The following ABHD12 variants were observed in gnomAD, a reference collection of about 807,000 sequenced individuals.
The protein encoded by ABHD12 is lysophosphatidylserine lipase ABHD12.
A neutral mutation model predicts 58.3 loss-of-function variants in ABHD12; 43 were observed. That is an observed-to-expected ratio of 0.74 (90% CI 0.58 to 0.95). The LOEUF (loss-of-function observed/expected upper bound fraction) is 0.95. ABHD12 is among the 40% of genes least tolerant of loss of function. The pLI is 0.00. For missense variants in ABHD12, 539 were observed against 537.2 expected, an observed-to-expected ratio of 1.00 and a Z score of -0.03; for synonymous variants, 219 against 211.2, an observed-to-expected ratio of 1.04 and a Z score of -0.32.
intron 4 of ABHD12, among the ~76,000 whole-genome samples, chr20:25,317,951 G>A (rs760535865): frequency 3.9e-5 from 6 of 152,214 alleles, no homozygotes; most frequent in Non-Finnish European, 5.9e-5. Flanking sequence ...AACATTTCAG[G>A]TATGGGGGCG....
At chr20:25,371,220 T>C (rs941553430) in intron 1 of ABHD12, among the ~76,000 whole-genome samples, 1 of 152,156 alleles carries the variant, frequency 6.6e-6, no homozygotes, top group Non-Finnish European at 1.5e-5. Flanking sequence ...GGAGTGTCTA[T>C]GTCCCCTCTC....
At chr20:25,364,736 T>C (rs1028484088) in intron 1 of ABHD12, among the ~76,000 whole-genome samples, 1 of 152,204 alleles carries the variant, frequency 6.6e-6, no homozygotes, top group East Asian at 1.9e-4. Context: ...AATTAAACCA[T>C]GAGGTTCCAT....
At chr20:25,347,251 T>C (rs1003446399) in intron 1 of ABHD12, among the ~76,000 whole-genome samples, 3 of 152,184 alleles carry the variant, frequency 2.0e-5, no homozygotes. Context: ...AAGAGTCTCA[T>C]AAGGGACAGG....
chr20:25,390,668 A>T lies in ABHD12; in HGVS notation c.36T>A (p.His12Gln), dbSNP rs915266210. ...RKRTEPVALE[H>Q]ERCAAAGSSS... The stretch of plus-strand genomic sequence containing the variant: ...ACGAGCCCGCGGCGGCGCAGCGCTC[A>T]TGCTCCAAGGCGACGGGCTCGGTCC... The change falls in exon 1 of 13, where the codon CAT becomes CAA. Residue 12 changes from histidine (H) to glutamine (Q), a missense_variant. His to Gln is a conservative substitution (Grantham distance 24). Transcript: ENST00000339157. 7 of 1,435,372 alleles carry T rather than the reference A, an allele frequency of 4.9e-6. No homozygotes were observed. Among genetic ancestry groups the T allele is most frequent in the Non-Finnish European group, 5.5e-6 (6 of 1,097,462 alleles). 88.9% of individuals were successfully genotyped at this position (1,435,372 alleles called of 1,614,324 possible).
At chr20:25,349,041 G>T (rs539518067) in intron 1 of ABHD12, among the ~76,000 whole-genome samples, 11 of 147,336 alleles carry the variant, frequency 7.5e-5, no homozygotes, top group Non-Finnish European at 1.6e-4. Context: ...CCGAGATCGC[G>T]CCACTGCACT....
chr20:25,340,425 C>T (rs1286851971), intron 1 of ABHD12, among the ~76,000 whole-genome samples: 3 of 152,186 alleles, frequency 2.0e-5, no homozygotes, highest in African/African-American at 7.2e-5. Context: ...TGCTGTGAAT[C>T]CACATATCAT....
Position 25,300,911 on chromosome 20 carries a change from A to G in ABHD12, c.1158-27T>C, listed in dbSNP as rs753443850. ...TAGACCACAGGACAATCAGGAGCCA[A>G]TCATTTGAGCTCAGACCAAAGATCC... On this transcript the variant is annotated intron_variant, in intron 12 of 12. Transcript: ENST00000339157. 2.5e-6 allele frequency: 4 copies of G among 1,610,336 alleles called. No homozygotes were observed. The South Asian group carries it at 3.3e-5, about 13-fold the overall frequency.
intron 10 of ABHD12, among the ~76,000 whole-genome samples, chr20:25,306,392 T>C (rs2088742326): frequency 6.6e-6 from 1 of 152,210 alleles, no homozygotes; most frequent in East Asian, 1.9e-4. Context: ...TTTTGTTTTG[T>C]TTTGAGACAA....
intron 1 of ABHD12, among the ~76,000 whole-genome samples, chr20:25,346,548 G>A (rs1239392407): frequency 1.3e-5 from 2 of 152,158 alleles, no homozygotes; most frequent in Non-Finnish European, 2.9e-5. Flanking sequence ...GGATAGTGTG[G>A]CATACCATGT....
At chr20:25,332,671 T>C (rs2146012879) in intron 2 of ABHD12, among the ~76,000 whole-genome samples, 1 of 150,044 alleles carries the variant, frequency 6.7e-6, no homozygotes, top group Non-Finnish European at 1.5e-5. Context: ...ACAGCTCAAC[T>C]ACATGGAAAC....
chr20:25,318,694 C>T (rs1320310904), intron 4 of ABHD12, among the ~76,000 whole-genome samples: 1 of 150,354 alleles, frequency 6.7e-6, no homozygotes, highest in East Asian at 1.9e-4. Context: ...ATGTGATGGG[C>T]ACTGCAGAAC....
downstream of ABHD12, among the ~76,000 whole-genome samples, chr20:25,299,506 A>AAT (rs2088600341): frequency 6.6e-6 from 1 of 152,100 alleles, no homozygotes. Context: ...AAAAAAAAAA[A>AAT]ATGAGGAAAA....
At chr20:25,303,079 C>A (rs2088667091) in intron 11 of ABHD12, among the ~76,000 whole-genome samples, 1 of 152,228 alleles carries the variant, frequency 6.6e-6, no homozygotes, top group Admixed American at 6.5e-5. Flanking sequence ...GGTATCAGCG[C>A]AATTCCAAAG....
intron 2 of ABHD12, among the ~76,000 whole-genome samples, chr20:25,336,890 C>T (rs963480497): frequency 2.0e-5 from 3 of 152,026 alleles, no homozygotes; most frequent in African/African-American, 7.2e-5. Flanking sequence ...GGGGGTGAGG[C>T]GAAAGGAATG....
chr20:25,344,233 G>C (rs1330494843), intron 1 of ABHD12, among the ~76,000 whole-genome samples: 1 of 152,188 alleles, frequency 6.6e-6, no homozygotes, highest in African/African-American at 2.4e-5. Context: ...ATAAGAAAAG[G>C]AGATAACAGG....
intron 1 of ABHD12, chr20:25,368,161 T>C (rs1037905659): frequency 3.4e-6 from 3 of 893,846 alleles, no homozygotes; most frequent in Non-Finnish European, 5.2e-6. Flanking sequence ...CAAAGGGAAC[T>C]GCAGCAAGAG....
intron 11 of ABHD12, 136 bp from the exon 12 acceptor site, chr20:25,302,482 G>T: frequency 8.3e-7 from 1 of 1,210,192 alleles, no homozygotes; most frequent in Non-Finnish European, 1.2e-6. Flanking sequence ...GCCACAGCCG[G>T]TCACGACCAG....
At chr20:25,304,772 T>C (rs2088704010) in intron 10 of ABHD12, among the ~76,000 whole-genome samples, 1 of 151,734 alleles carries the variant, frequency 6.6e-6, no homozygotes, top group South Asian at 2.1e-4. Context: ...TTTCACCATA[T>C]TGGCCAGGAT....
intron 2 of ABHD12, among the ~76,000 whole-genome samples, chr20:25,325,835 C>T (rs1260465623): frequency 6.6e-6 from 1 of 151,958 alleles, no homozygotes; most frequent in Non-Finnish European, 1.5e-5. Flanking sequence ...CTTTGGGAGG[C>T]CGAGGCAGGT....
Sources: gnomAD v4.1 joint callset for allele counts (sites outside exome capture counted in the v4.1 genomes callset) on GRCh38, gnomAD v4.1.1 for gene constraint, MANE v1.5 for transcripts, NCBI Gene and HGNC (gene_info 2026-07-23, HGNC 2026-07-21) for gene names.